PEBP4: variants seen among roughly 807,000 people sequenced by gnomAD.
The protein encoded by PEBP4 is phosphatidylethanolamine-binding protein 4.
Under a neutral mutation model 23.9 loss-of-function variants are expected in PEBP4, and 22 were observed. The observed-to-expected ratio is 0.92, with a 90% CI of 0.66 to 1.31. The LOEUF (loss-of-function observed/expected upper bound fraction) is 1.31. PEBP4 is among the 40% of genes most tolerant of loss of function. PEBP4 has a pLI of 0.00. For synonymous variants in PEBP4, 112 were observed against 99.3 expected, an observed-to-expected ratio of 1.13 and a Z score of -0.76; for missense variants, 324 against 281.7, an observed-to-expected ratio of 1.15 and a Z score of -1.07.
At chr8:22,754,225 T>C (rs570016831) in intron 4 of PEBP4, among the ~76,000 whole-genome samples, 1 of 152,240 alleles carries the variant, frequency 6.6e-6, no homozygotes, top group Admixed American at 6.5e-5. Flanking sequence ...GGGTGCTCCC[T>C]CCTGGTGCTT....
intron 3 of PEBP4, among the ~76,000 whole-genome samples, chr8:22,882,923 C>G (rs182422816): frequency 6.6e-6 from 1 of 152,214 alleles, no homozygotes; most frequent in Non-Finnish European, 1.5e-5. Context: ...CACCCTACCC[C>G]ACCTGTTCCT....
intron 3 of PEBP4, among the ~76,000 whole-genome samples, chr8:22,864,591 C>G (rs552861103): frequency 1.1e-4 from 17 of 152,098 alleles, no homozygotes; most frequent in East Asian, 3.9e-4. Context: ...TGAGGAGAAG[C>G]AGTAGGAATC....
At chr8:22,940,833 C>G (rs1563268863) in intron 1 of PEBP4, among the ~76,000 whole-genome samples, 1 of 152,110 alleles carries the variant, frequency 6.6e-6, no homozygotes, top group Non-Finnish European at 1.5e-5. Flanking sequence ...GGTGTTTTTT[C>G]TCTCCTCTGT....
intron 4 of PEBP4, among the ~76,000 whole-genome samples, chr8:22,746,093 G>T (rs1366618515): frequency 6.6e-6 from 1 of 151,416 alleles, no homozygotes; most frequent in South Asian, 2.1e-4. Flanking sequence ...GGCAGGAGAA[G>T]CCTTTTCATA....
At chr8:22,749,570 T>C (rs1238524109) in intron 4 of PEBP4, among the ~76,000 whole-genome samples, 1 of 152,194 alleles carries the variant, frequency 6.6e-6, no homozygotes, top group Non-Finnish European at 1.5e-5. Context: ...GCTCACTGTC[T>C]GAACAGAGCA....
At chr8:22,754,138 A>G (rs1419628214) in intron 4 of PEBP4, among the ~76,000 whole-genome samples, 1 of 152,186 alleles carries the variant, frequency 6.6e-6, no homozygotes, top group Non-Finnish European at 1.5e-5. Context: ...CTGGGCTTTC[A>G]GCGGCTCTCC....
intron 3 of PEBP4, among the ~76,000 whole-genome samples, chr8:22,841,383 C>T (rs1345397382): frequency 2.0e-5 from 3 of 152,242 alleles, no homozygotes; most frequent in East Asian, 3.8e-4. Context: ...TTTTCAAAAG[C>T]TTTTGACAAG....
intron 3 of PEBP4, among the ~76,000 whole-genome samples, chr8:22,854,164 G>A (rs963495780): frequency 1.3e-5 from 2 of 152,162 alleles, no homozygotes; most frequent in South Asian, 4.1e-4. Flanking sequence ...AATCGACTGA[G>A]TTACAAAGTG....
At chr8:22,938,634 C>T (rs1034295464) in intron 1 of PEBP4, among the ~76,000 whole-genome samples, 1 of 152,072 alleles carries the variant, frequency 6.6e-6, no homozygotes, top group Non-Finnish European at 1.5e-5. Flanking sequence ...CATTACCCCT[C>T]GGGGATTGGG....
chr8:22,826,895 A>G (rs1414953751), intron 3 of PEBP4, among the ~76,000 whole-genome samples: 1 of 152,228 alleles, frequency 6.6e-6, no homozygotes, highest in East Asian at 1.9e-4. Context: ...CTTATAAAAT[A>G]ACGTGGAATG....
At chr8:22,815,134 T>G (rs1450125385) in intron 4 of PEBP4, 1 of 152,162 alleles carries the variant, frequency 6.6e-6, no homozygotes, top group Non-Finnish European at 1.5e-5. Flanking sequence ...AAAATGAGGA[T>G]TATGTCTATT....
rs185281758 is a variant in PEBP4, at chr8:22,903,707, C to T, written c.258+16477G>A. On this transcript the variant is annotated intron_variant, in intron 3 of 6. Coordinates refer to ENST00000256404, the MANE Select transcript of PEBP4 (RefSeq NM_144962.3). ...AGCTGCCTCGATCTATAAATCAACCCGTTCTCTACACCCTAGAGCTCCGAG... is the reference window on the plus strand; with the variant it reads ...AGCTGCCTCGATCTATAAATCAACCTGTTCTCTACACCCTAGAGCTCCGAG... Among the ~76,000 whole-genome samples the T allele has an allele frequency of 2.2e-4, 34 of 152,332 alleles. No homozygotes were observed. In the East Asian group the frequency reaches 5.6e-3, roughly 25 times the overall value.
At chr8:22,837,754 G>T (rs570788480) in intron 3 of PEBP4, among the ~76,000 whole-genome samples, 1 of 152,190 alleles carries the variant, frequency 6.6e-6, no homozygotes, top group Admixed American at 6.5e-5. Flanking sequence ...AAGTCCCTTG[G>T]ACCAGAGAAG....
intron 3 of PEBP4, among the ~76,000 whole-genome samples, chr8:22,857,993 G>T (rs1463858697): frequency 6.6e-6 from 1 of 152,186 alleles, no homozygotes; most frequent in East Asian, 1.9e-4. Flanking sequence ...ACTCTTAGTT[G>T]TTAACCCAAC....
At chr8:22,921,613 C>T (rs192559438) in intron 2 of PEBP4, among the ~76,000 whole-genome samples, 40 of 152,334 alleles carry the variant, frequency 2.6e-4, no homozygotes, top group Non-Finnish European at 4.3e-4. Context: ...CAGGACACTT[C>T]GGTGGGCCAG....
At chr8:22,786,689 C>A in intron 4 of PEBP4, among the ~76,000 whole-genome samples, 1 of 152,294 alleles carries the variant, frequency 6.6e-6, no homozygotes, top group African/African-American at 2.4e-5. Context: ...TCAGTCCTAA[C>A]GTCATCAAAT....
At chr8:22,930,422 G>A (rs1050162210), upstream of PEBP4, among the ~76,000 whole-genome samples, 1 of 151,914 alleles carries the variant, frequency 6.6e-6, no homozygotes, top group African/African-American at 2.4e-5. Flanking sequence ...CTTAGTGATA[G>A]TATCTCCTCA....
chr8:22,776,177 G>A (rs969989631), intron 4 of PEBP4, among the ~76,000 whole-genome samples: 2 of 152,180 alleles, frequency 1.3e-5, no homozygotes, highest in African/African-American at 4.8e-5. Flanking sequence ...CTGAAATGCT[G>A]ACGCCAGCGC....
chr8:22,919,168 TG>T (rs1190622686), intron 3 of PEBP4, among the ~76,000 whole-genome samples: 6 of 152,310 alleles, frequency 3.9e-5, no homozygotes, highest in African/African-American at 1.4e-4. Flanking sequence ...GTTGTCCTAC[TG>T]GGCTTAGCTG....
Sources: gnomAD v4.1 joint callset for allele counts (sites outside exome capture counted in the v4.1 genomes callset) on GRCh38, gnomAD v4.1.1 for gene constraint, MANE v1.5 for transcripts, NCBI Gene and HGNC (gene_info 2026-07-23, HGNC 2026-07-21) for gene names.